TMEM117: variants seen among roughly 807,000 people sequenced by gnomAD.
The protein encoded by TMEM117 is transmembrane protein 117.
TMEM117 carries 27 observed loss-of-function variants against 52.4 expected under a neutral mutation model. That is an observed-to-expected ratio of 0.51 (90% CI 0.38 to 0.71). TMEM117 has a LOEUF of 0.71. Ranked by LOEUF, TMEM117 falls within the 30% of genes least tolerant of loss-of-function variation. TMEM117 has a pLI of 0.00. For synonymous variants in TMEM117, 215 were observed against 206.3 expected (o/e 1.04, Z -0.36); for missense variants, 556 against 630.5 (o/e 0.88, Z 1.26).
chr12:43,974,905 A>G (rs1438937441), intron 3 of TMEM117, among the ~76,000 whole-genome samples: 3 of 152,104 alleles, frequency 2.0e-5, no homozygotes, highest in East Asian at 3.9e-4. Context: ...ATCCCTACCT[A>G]TGAAAATGTA....
At chr12:43,884,954 T>C (rs891074876) in intron 2 of TMEM117, among the ~76,000 whole-genome samples, 1 of 152,198 alleles carries the variant, frequency 6.6e-6, no homozygotes, top group Non-Finnish European at 1.5e-5. Flanking sequence ...GCTCCACTCT[T>C]GCTGACTTGC....
At chr12:43,911,642 A>G (rs2137533441) in intron 2 of TMEM117, among the ~76,000 whole-genome samples, 1 of 148,334 alleles carries the variant, frequency 6.7e-6, no homozygotes, top group Admixed American at 6.7e-5. Context: ...ACTCAAACAA[A>G]TTTACAAGAA....
chr12:44,180,349 C>T (rs532406703), intron 4 of TMEM117, among the ~76,000 whole-genome samples: 2 of 133,668 alleles, frequency 1.5e-5, no homozygotes, highest in African/African-American at 3.7e-5. Context: ...AACTACCTGA[C>T]ATCTTTTTTT....
chr12:43,844,667 C>T lies in TMEM117; in HGVS notation c.16C>T (p.Arg6Cys), dbSNP rs201779225. MGKDFRYYFQHPWSRM... is the reference protein window; with the variant it reads MGKDFCYYFQHPWSRM... ...GTTCTGAAGAATGGGTAAAGACTTT[C>T]GTTACTATTTCCAGCATCCCTGGTC... is the stretch of plus-strand genomic sequence containing the variant. The change falls in exon 2 of 8, where the codon CGT becomes TGT. Residue 6 changes from arginine (R) to cysteine (C), a missense_variant. By Grantham distance (180) the Arg-to-Cys change is radical. Transcript: ENST00000266534. 32 of 1,613,432 alleles carry T rather than the reference C, an allele frequency of 2.0e-5. No homozygotes were observed. Among genetic ancestry groups the T allele is most frequent in the Non-Finnish European group, 2.3e-5 (27 of 1,179,892 alleles).
In TMEM117 at chr12:43,837,623, G is replaced by T. The variant is rs541250585; in HGVS notation, c.-29+1427G>T. Among the ~76,000 whole-genome samples, 95 of 152,324 alleles carry T rather than the reference G, an allele frequency of 6.2e-4. 2 individuals are homozygous for T. Among genetic ancestry groups the T allele is most frequent in the African/African-American group, 1.9e-3 (78 of 41,562 alleles). On this transcript the variant is annotated intron_variant, in intron 1 of 7. Coordinates refer to ENST00000266534, the MANE Select transcript of TMEM117 (RefSeq NM_032256.3). The stretch of plus-strand genomic sequence containing the variant: ...GCCTCCAGAAATGCGGACATTACAG[G>T]TGTGAGCCACTGCTCCGGGCTGGCA...
At chr12:44,279,582 C>T (rs1374327797) in intron 5 of TMEM117, among the ~76,000 whole-genome samples, 3 of 148,538 alleles carry the variant, frequency 2.0e-5, no homozygotes, top group African/African-American at 7.5e-5. Flanking sequence ...GGCATAATCT[C>T]GGCTCACTGC....
chr12:44,075,066 A>G (rs1292447978), intron 3 of TMEM117, among the ~76,000 whole-genome samples: 2 of 152,180 alleles, frequency 1.3e-5, no homozygotes, highest in African/African-American at 2.4e-5. Flanking sequence ...CTTTCTCCAT[A>G]GTGGTAAGTG....
At chr12:44,182,944 A>G (rs1028884238) in intron 4 of TMEM117, among the ~76,000 whole-genome samples, 1 of 152,202 alleles carries the variant, frequency 6.6e-6, no homozygotes, top group South Asian at 2.1e-4. Flanking sequence ...ATCTTAGTAC[A>G]TACCTTTACT....
At chr12:43,801,302 C>A in the TMEM117 span, among the ~76,000 whole-genome samples, 61 of 152,220 alleles carry the variant, frequency 4.0e-4, 1 homozygote, top group African/African-American at 1.4e-3. Flanking sequence ...CAACTAGTAT[C>A]TATGGAAAGC....
intron 3 of TMEM117, among the ~76,000 whole-genome samples, chr12:43,983,902 T>C (rs1945803641): frequency 6.6e-6 from 1 of 152,120 alleles, no homozygotes; most frequent in Non-Finnish European, 1.5e-5. Context: ...CATATATTAA[T>C]AATAGGTACT....
rs377653636 is a variant in TMEM117 at position 43,907,034 on chromosome 12, G to C, written c.278-37176G>C. Among the ~76,000 whole-genome samples the C allele has an allele frequency of 3.3e-3, 504 of 152,272 alleles. 5 individuals are homozygous for C. Among genetic ancestry groups the C allele is most frequent in the African/African-American group, 9.7e-3 (402 of 41,572 alleles). ...CTGCCTGCCTCTGTAGGCTCCACCT[G>C]TGGGGGCAGGGCACAGACAAACAAA... On this transcript the variant is annotated intron_variant, in intron 2 of 7. Coordinates refer to ENST00000266534, the MANE Select transcript of TMEM117 (RefSeq NM_032256.3).
chr12:44,137,672 G>C (rs1234436383), intron 3 of TMEM117, among the ~76,000 whole-genome samples: 1 of 152,110 alleles, frequency 6.6e-6, no homozygotes, highest in African/African-American at 2.4e-5. Context: ...AGCAAAGAGA[G>C]AGTTTGTGCA....
intron 3 of TMEM117, among the ~76,000 whole-genome samples, chr12:44,041,620 C>T (rs1484136751): frequency 1.3e-5 from 2 of 152,086 alleles, no homozygotes; most frequent in Non-Finnish European, 2.9e-5. Context: ...TCCTCAGCCT[C>T]CTGTGCCAGC....
the TMEM117 span, among the ~76,000 whole-genome samples, chr12:43,813,753 G>C: frequency 6.6e-6 from 1 of 152,088 alleles, no homozygotes; most frequent in Non-Finnish European, 1.5e-5. Flanking sequence ...ACAAACAATA[G>C]CACAGGTCTA....
At chr12:44,354,416 T>C (rs985115115) in intron 6 of TMEM117, among the ~76,000 whole-genome samples, 1 of 152,022 alleles carries the variant, frequency 6.6e-6, no homozygotes, top group African/African-American at 2.4e-5. Context: ...GCAAAAATCC[T>C]CAGTAAAATA....
At chr12:44,148,782 G>A (rs923095204) in intron 4 of TMEM117, among the ~76,000 whole-genome samples, 3 of 152,126 alleles carry the variant, frequency 2.0e-5, no homozygotes, top group African/African-American at 7.2e-5. Context: ...GTATAAAATA[G>A]GTGCTCAAGA....
Position 43,844,808 on chromosome 12 carries a change from T to A in TMEM117, c.157T>A (p.Phe53Ile). ...NVIVVGNCFS[F>I]VTNKYPRGVG... The stretch of plus-strand genomic sequence containing the variant: ...TATTGTTGTTGGAAACTGTTTTTCA[T>A]TTGTTACAAATAAATACCCTAGAGG... Residue 53 changes from phenylalanine to isoleucine, a missense_variant, in exon 2 of 8, where the codon TTT (phenylalanine) becomes ATT (isoleucine). Phe to Ile is a conservative substitution (Grantham distance 21, BLOSUM62 0). Around this residue, in one of 3 missense-constraint regions of TMEM117, gnomAD observed 328 missense variants for 371.4 expected, o/e 0.88. Coordinates refer to ENST00000266534, the MANE Select transcript of TMEM117 (RefSeq NM_032256.3). The A allele has an allele frequency of 6.2e-7, 1 of 1,614,186 alleles. No homozygotes were observed.
intron 3 of TMEM117, among the ~76,000 whole-genome samples, chr12:44,120,374 C>T (rs1948213782): frequency 6.6e-6 from 1 of 152,106 alleles, no homozygotes; most frequent in Non-Finnish European, 1.5e-5. Context: ...ATTATATACT[C>T]ATAGCTTGAC....
At chr12:44,095,936 T>G (rs1302885780) in intron 3 of TMEM117, among the ~76,000 whole-genome samples, 1 of 152,174 alleles carries the variant, frequency 6.6e-6, no homozygotes, top group Admixed American at 6.6e-5. Flanking sequence ...TGTCCCTGTT[T>G]GTAGACGACA....
Sources: allele counts gnomAD v4.1 joint callset (sites outside exome capture counted in the v4.1 genomes callset), GRCh38; gene constraint gnomAD v4.1.1; regional missense constraint gnomAD v4.1.1; transcripts MANE v1.5; gene names NCBI Gene and HGNC (gene_info 2026-07-23, HGNC 2026-07-21).